Variants in HEXB observed in about 807,000 individuals in gnomAD.
HEXB encodes the protein hexosaminidase subunit beta, also known as beta-hexosaminidase subunit beta.
A neutral mutation model predicts 71.2 loss-of-function variants in HEXB; 51 were observed. The ratio of observed to expected loss-of-function variants is 0.72; its 90% CI spans 0.57 to 0.90. The LOEUF (loss-of-function observed/expected upper bound fraction) is 0.90. Ranked by LOEUF, HEXB falls within the 40% of genes least tolerant of loss-of-function variation. The pLI is 0.00. For synonymous variants in HEXB, 266 were observed against 249.3 expected (o/e 1.07, Z -0.63); for missense variants, 617 against 677.0 (o/e 0.91, Z 0.98).
chr5:74,679,417 C>T (rs1206905489), intron 1 of HEXB, among the ~76,000 whole-genome samples: 1 of 152,156 alleles, frequency 6.6e-6, no homozygotes, highest in Non-Finnish European at 1.5e-5. Flanking sequence ...TAGATGTGTC[C>T]ACCTAAGAGA....
chr5:74,679,798 C>CAAAAAAAAAAAAAA (rs70976121), intron 1 of HEXB, among the ~76,000 whole-genome samples: 1 of 38,890 alleles, frequency 2.6e-5, no homozygotes, highest in Non-Finnish European at 4.2e-5. Context: ...GACTCCGTCT[C>CAAAAAAAAAAAAAA]AAAAAAAAAA....
At chr5:74,645,689 G>A (rs1377545459) in intron 1 of HEXB, among the ~76,000 whole-genome samples, 1 of 152,164 alleles carries the variant, frequency 6.6e-6, no homozygotes, top group Non-Finnish European at 1.5e-5. Flanking sequence ...ACTCTATAAA[G>A]TTAGGTCATT....
chr5:74,695,704 G>T (rs1200468508), intron 3 of HEXB, among the ~76,000 whole-genome samples: 7 of 151,408 alleles, frequency 4.6e-5, no homozygotes, highest in Admixed American at 4.6e-4. Context: ...AGCCGGGCAT[G>T]GTGGTGCACG....
chr5:74,686,870 T>C (rs3776481), intron 1 of HEXB, among the ~76,000 whole-genome samples: 19,823 of 152,206 alleles, frequency 0.13, 1,666 homozygotes, highest in East Asian at 0.24. Context: ...CAAACACGCT[T>C]ATTATGTTTG....
At chr5:74,658,605 A>G (rs1160001511) in intron 1 of HEXB, among the ~76,000 whole-genome samples, 1 of 152,112 alleles carries the variant, frequency 6.6e-6, no homozygotes, top group Admixed American at 6.5e-5. Flanking sequence ...AAAACTCCTG[A>G]ACACTGAGGC....
rs1443767636 is a variant in HEXB at position 74,641,665 on chromosome 5, C to T, written c.-377+1107C>T. Among the ~76,000 whole-genome samples the T allele has an allele frequency of 1.3e-5, 2 of 152,224 alleles. No homozygotes were observed. Among genetic ancestry groups the T allele is most frequent in the African/African-American group, 4.8e-5 (2 of 41,458 alleles). ...CAGCACACACACACGTTTAATAGTC[C>T]CGCGTGTCAGGAGAAGGGAAGGCGA... On this transcript the variant is annotated intron_variant, in intron 1 of 13. Transcript: ENST00000511181. The surrounding 1 kb of genome is among the most constrained non-coding windows in gnomAD (Gnocchi z 4.1).
At chr5:74,715,224 T>C (rs1352356497) in intron 7 of HEXB, among the ~76,000 whole-genome samples, 3 of 152,212 alleles carry the variant, frequency 2.0e-5, no homozygotes, top group African/African-American at 7.2e-5. Context: ...ATTTGAAATA[T>C]GAATTGAAGC....
intron 5 of HEXB, among the ~76,000 whole-genome samples, chr5:74,702,288 C>T (rs1450337836): frequency 6.6e-6 from 1 of 151,186 alleles, no homozygotes; most frequent in African/African-American, 2.4e-5. Flanking sequence ...CCGTTTTAGC[C>T]GGGATGGTCT....
At chr5:74,659,528 A>G (rs755426731) in intron 1 of HEXB, among the ~76,000 whole-genome samples, 5 of 152,218 alleles carry the variant, frequency 3.3e-5, no homozygotes, top group Admixed American at 2.0e-4. Flanking sequence ...AGCAGCAGAC[A>G]TGAAAGTAGA....
At chr5:74,681,317 T>C (rs1748734465), upstream of HEXB, among the ~76,000 whole-genome samples, 1 of 152,126 alleles carries the variant, frequency 6.6e-6, no homozygotes, top group Non-Finnish European at 1.5e-5. Context: ...TGACGACCAG[T>C]GAGTAGAGCC....
chr5:74,646,548 A>G (rs1294706193), intron 1 of HEXB, among the ~76,000 whole-genome samples: 1 of 151,454 alleles, frequency 6.6e-6, no homozygotes, highest in African/African-American at 2.4e-5. Flanking sequence ...TCTTAAGTTG[A>G]CAATGAACAA....
In HEXB at chr5:74,688,226, CT is replaced by C. The variant is rs377356721; in HGVS notation, c.300-1095del. ...GATTTTTGGATACCAACAAAAGGTACTTTTTTTGTATTTAATATTAATATTA... is the reference window on the plus strand; with the variant it reads ...GATTTTTGGATACCAACAAAAGGTACTTTTTTGTATTTAATATTAATATTA... On this transcript the variant is annotated intron_variant, in intron 1 of 13. Coordinates refer to ENST00000261416, the MANE Select transcript of HEXB (RefSeq NM_000521.4). Among the ~76,000 whole-genome samples, 150 of 135,174 alleles carry C rather than the reference CT, an allele frequency of 1.1e-3. 6 individuals carry two copies. The South Asian group carries it at 0.029, about 26-fold the overall frequency. 88.7% of individuals were successfully genotyped at this position (135,174 alleles called of 152,430 possible). A position where few individuals can be genotyped will look rare whatever the true frequency, so the allele number is the denominator to read the frequency against.
intron 1 of HEXB, among the ~76,000 whole-genome samples, chr5:74,643,727 T>A (rs747864534): frequency 4.9e-4 from 75 of 152,166 alleles, no homozygotes; most frequent in Non-Finnish European, 1.0e-4. Context: ...TTGGGCTGAA[T>A]TAATGAGAAT....
chr5:74,645,511 G>A (rs1233593540), intron 1 of HEXB, among the ~76,000 whole-genome samples: 2 of 152,196 alleles, frequency 1.3e-5, no homozygotes, highest in East Asian at 1.9e-4. Flanking sequence ...ACCACTGTTC[G>A]TGTTGAGCTC....
chr5:74,640,699 G>C (rs1167218943), intron 1 of HEXB: 1 of 152,660 alleles, frequency 6.6e-6, no homozygotes, highest in Non-Finnish European at 1.5e-5. Flanking sequence ...CCGCCGCACC[G>C]CCTCCTCTCC....
intron 1 of HEXB, among the ~76,000 whole-genome samples, chr5:74,671,943 C>T (rs866448455): frequency 5.1e-4 from 78 of 152,236 alleles, no homozygotes; most frequent in African/African-American, 1.7e-3. Flanking sequence ...TGGAGACCGG[C>T]GCCTTGGTGA....
intron 1 of HEXB, among the ~76,000 whole-genome samples, chr5:74,653,621 C>A (rs979264340): frequency 6.6e-6 from 1 of 152,110 alleles, no homozygotes; most frequent in African/African-American, 2.4e-5. Context: ...CTAAGGGGTG[C>A]TTTCATAGGA....
chr5:74,661,412 G>A (rs1311715574), intron 1 of HEXB, among the ~76,000 whole-genome samples: 1 of 152,034 alleles, frequency 6.6e-6, no homozygotes, highest in African/African-American at 2.4e-5. Context: ...TGAACAGCAT[G>A]ACTCATATTT....
At chr5:74,719,776 T>G (rs183670385) in intron 11 of HEXB, among the ~76,000 whole-genome samples, 2 of 152,020 alleles carry the variant, frequency 1.3e-5, no homozygotes, top group Non-Finnish European at 2.9e-5. Context: ...ATTCTGTCTC[T>G]ACTAAAAATA....
Sources: allele counts gnomAD v4.1 joint callset (sites outside exome capture counted in the v4.1 genomes callset), GRCh38; gene constraint gnomAD v4.1.1; non-coding constraint Gnocchi (gnomAD v3.1); transcripts MANE v1.5; gene names NCBI Gene and HGNC (gene_info 2026-07-23, HGNC 2026-07-21).